MELK: variants seen among roughly 807,000 people sequenced by gnomAD.
The protein encoded by MELK is maternal embryonic leucine zipper kinase.
A neutral mutation model predicts 85.0 loss-of-function variants in MELK; 81 were observed. The observed-to-expected ratio is 0.95, with a 90% CI of 0.80 to 1.15. The LOEUF (loss-of-function observed/expected upper bound fraction) is 1.15. Ranked by LOEUF, MELK falls within the 50% of genes most tolerant of loss-of-function variation. The probability of loss-of-function intolerance (pLI) is 0.00; values close to 1 mark genes in which losing one functional copy is unlikely to be tolerated. For synonymous variants in MELK, 252 were observed against 265.0 expected (o/e 0.95, Z 0.48); for missense variants, 754 against 777.5 (o/e 0.97, Z 0.36).
intron 16 of MELK, among the ~76,000 whole-genome samples, chr9:36,674,512 G>A (rs1587644250): frequency 6.6e-6 from 1 of 152,082 alleles, no homozygotes. Context: ...AAATAGTGTG[G>A]GAAGGGGAAA....
At chr9:36,630,788 G>A (rs1322427235) in intron 9 of MELK, among the ~76,000 whole-genome samples, 1 of 151,710 alleles carries the variant, frequency 6.6e-6, no homozygotes, top group Non-Finnish European at 1.5e-5. Context: ...CGAGTAGGTG[G>A]GATTACAGGT....
chr9:36,600,178 C>T (rs562068504), intron 7 of MELK, among the ~76,000 whole-genome samples: 15 of 151,916 alleles, frequency 9.9e-5, no homozygotes, highest in Admixed American at 5.2e-4. Flanking sequence ...ACTGCAACCT[C>T]CACCTCCTGG....
At chr9:36,622,306 T>C (rs764678050) in intron 8 of MELK, among the ~76,000 whole-genome samples, 7 of 152,136 alleles carry the variant, frequency 4.6e-5, no homozygotes, top group Non-Finnish European at 8.8e-5. Context: ...AATTAAGGTG[T>C]CGTATCACTT....
chr9:36,585,907 T>C (rs62541985), intron 3 of MELK, among the ~76,000 whole-genome samples: 3,046 of 152,198 alleles, frequency 0.02, 59 homozygotes, highest in Non-Finnish European at 0.028. Context: ...CACTGCACTC[T>C]AGCCTGGGCA....
chr9:36,615,801 G>T (rs906525342), intron 8 of MELK, among the ~76,000 whole-genome samples: 43 of 150,540 alleles, frequency 2.9e-4, no homozygotes, highest in African/African-American at 1.0e-3. Flanking sequence ...TGTGATGGCG[G>T]CTGGGAAGAG....
At chr9:36,589,759 C>A (rs1823337868) in intron 4 of MELK, 107 bp downstream of exon 4, 2 of 778,426 alleles carry the variant, frequency 2.6e-6, no homozygotes, top group African/African-American at 1.7e-5. Context: ...AAGCGACTTA[C>A]CTGTTTTGTT....
intron 8 of MELK, 83 bp from the exon 9 acceptor site, chr9:36,630,216 G>T (rs940087405): frequency 8.9e-6 from 9 of 1,006,280 alleles, no homozygotes; most frequent in Non-Finnish European, 1.2e-5. Flanking sequence ...AAGCTTAAAA[G>T]TAAACCTCCA....
At chr9:36,662,524 G>A (rs113306541) in intron 13 of MELK, among the ~76,000 whole-genome samples, 2,145 of 152,202 alleles carry the variant, frequency 0.014, 45 homozygotes, top group African/African-American at 0.049. Flanking sequence ...AATTACAGGC[G>A]TGAGCCCCTG....
intron 8 of MELK, among the ~76,000 whole-genome samples, chr9:36,615,040 G>A (rs1158570319): frequency 6.3e-5 from 9 of 143,014 alleles, no homozygotes; most frequent in African/African-American, 1.1e-4. Flanking sequence ...CTCACCTCCC[G>A]GACGGGGCAG....
chr9:36,588,166 C>A (rs945632930), intron 3 of MELK, among the ~76,000 whole-genome samples: 2 of 151,492 alleles, frequency 1.3e-5, no homozygotes, highest in African/African-American at 4.9e-5. Flanking sequence ...AAGCAATTCT[C>A]CTGCCTCAGC....
intron 3 of MELK, among the ~76,000 whole-genome samples, chr9:36,589,012 G>T (rs886411266): frequency 2.6e-5 from 4 of 152,164 alleles, no homozygotes; most frequent in Non-Finnish European, 5.9e-5. Context: ...TTTTCTGGAT[G>T]TTGTACTGTT....
intron 14 of MELK, among the ~76,000 whole-genome samples, chr9:36,666,441 A>G (rs1832340669): frequency 6.6e-6 from 1 of 152,194 alleles, no homozygotes; most frequent in South Asian, 2.1e-4. Flanking sequence ...CTAGTACATA[A>G]TAGGGGCCAT....
intron 3 of MELK, among the ~76,000 whole-genome samples, chr9:36,589,244 A>G (rs1212687059): frequency 1.3e-5 from 2 of 151,060 alleles, no homozygotes; most frequent in African/African-American, 4.9e-5. Flanking sequence ...CGCCTCCCGG[A>G]TTCACGCCAT....
chr9:36,677,091 G>C, intron 17 of MELK, 69 bp from the exon 18 acceptor site: 2 of 1,377,108 alleles, frequency 1.5e-6, no homozygotes, highest in Non-Finnish European at 2.0e-6. Flanking sequence ...TGGCCTCCTA[G>C]AGGCTTAGAA....
At chr9:36,656,917 C>T (rs1485720969) in intron 12 of MELK, among the ~76,000 whole-genome samples, 1 of 152,096 alleles carries the variant, frequency 6.6e-6, no homozygotes, top group African/African-American at 2.4e-5. Flanking sequence ...ATGGGGACGG[C>T]CTTTTTCTGT....
chr9:36,594,816 T>C (rs1264784973), intron 5 of MELK, 45 bp downstream of exon 5: 2 of 1,572,378 alleles, frequency 1.3e-6, no homozygotes, highest in East Asian at 4.6e-5. Context: ...CAGCGTCATT[T>C]ACCTGTTATT....
At chr9:36,658,625 G>A (rs1031274847) in intron 13 of MELK, among the ~76,000 whole-genome samples, 2 of 152,028 alleles carry the variant, frequency 1.3e-5, no homozygotes, top group Admixed American at 6.6e-5. Context: ...TAAGGCCTAC[G>A]TCTGGACTTC....
At chr9:36,625,523 G>A (rs1394370458) in intron 8 of MELK, among the ~76,000 whole-genome samples, 1 of 152,198 alleles carries the variant, frequency 6.6e-6, no homozygotes, top group Non-Finnish European at 1.5e-5. Context: ...CCAGGGATAG[G>A]CATGGAGCCC....
At chr9:36,651,331 ATTAAC>A (rs1830678318) in intron 11 of MELK, among the ~76,000 whole-genome samples, 1 of 152,360 alleles carries the variant, frequency 6.6e-6, no homozygotes, top group African/African-American at 2.4e-5. Flanking sequence ...TAATGCAAAT[ATTAAC>A]TTAGCTAAAC....
Sources: allele counts gnomAD v4.1 joint callset (sites outside exome capture counted in the v4.1 genomes callset), GRCh38; gene constraint gnomAD v4.1.1; transcripts MANE v1.5; gene names NCBI Gene and HGNC (gene_info 2026-07-23, HGNC 2026-07-21).